Variants in RNF111 observed in about 807,000 individuals in gnomAD.
RNF111 encodes the protein ring finger protein 111.
In RNF111, 17 loss-of-function variants were observed where a neutral mutation model predicts 95.1. The ratio of observed to expected loss-of-function variants is 0.18; its 90% CI spans 0.12 to 0.27. RNF111 has a LOEUF of 0.27. Ranked by LOEUF, RNF111 falls within the 10% of genes least tolerant of loss-of-function variation. RNF111 has a pLI of 1.00. For synonymous variants in RNF111, 440 were observed against 414.8 expected (o/e 1.06, Z -0.74); for missense variants, 1,189 against 1,210.4 (o/e 0.98, Z 0.26).
rs1284910384 is a variant in RNF111 at position 59,030,913 on chromosome 15, G to A, written c.91G>A (p.Glu31Lys). 6.2e-7 allele frequency: 1 copy of A among 1,614,072 alleles called. No individual in the cohort carries two copies. The highest frequency in any genetic ancestry group is 1.3e-5 in the African/African-American group (1 of 74,940). Reference sequence around the variant, plus strand: ...TCCTTCTGATGCACCAAAGACACAGGAGAGTCTGAAAGGGATCCTTTTGCA... The same window carrying A: ...TCCTTCTGATGCACCAAAGACACAGAAGAGTCTGAAAGGGATCCTTTTGCA... ...EIPSDAPKTQ[E>K]SLKGILLHPE... is the part of the protein sequence containing the mutation. Residue 31 changes from glutamate to lysine, a missense_variant, in exon 2 of 14, where the codon GAG becomes AAG. Transcript: ENST00000348370.
intron 4 of RNF111, 111 bp downstream of exon 4, chr15:59,055,956 G>T (rs2042184589): frequency 2.5e-6 from 2 of 788,922 alleles, no homozygotes; most frequent in African/African-American, 1.8e-5. Context: ...TTAAACTACA[G>T]GGAAATTGTC....
chr15:59,040,292 A>G (rs2041386157), intron 2 of RNF111, among the ~76,000 whole-genome samples: 1 of 151,864 alleles, frequency 6.6e-6, no homozygotes, highest in South Asian at 2.1e-4. Context: ...TTTTTAAATT[A>G]TATTTTAATT....
Position 59,096,856 on chromosome 15 carries a change from G to A in RNF111, c.*1956G>A, listed in dbSNP as rs1253670993. ...GGACTGAAGAAGTGTAAGATGGGGA[G>A]AACTGTATGTCATGGAGTCCTCTTG... On this transcript the variant is annotated 3_prime_UTR_variant, in exon 14 of 14. Transcript: ENST00000348370. 6.6e-6 allele frequency: 1 copy of A among 152,184 alleles called. No individual in the cohort carries two copies. The highest frequency in any genetic ancestry group is 1.5e-5 in the Non-Finnish European group (1 of 68,044). 9.4% of individuals were successfully genotyped at this position (152,184 alleles called of 1,614,324 possible). A position where few individuals can be genotyped will look rare whatever the true frequency, so the allele number is the denominator to read the frequency against.
Position 59,066,764 on chromosome 15 carries a change from A to G in RNF111, c.1367A>G (p.Asp456Gly). The change falls in exon 6 of 14, where the codon GAT (aspartate) becomes GGT (glycine). Residue 456 changes from aspartate to glycine, a missense_variant and splice_region_variant. By Grantham distance (94) the Asp-to-Gly change is moderately conservative. Transcript: ENST00000348370. Reference protein sequence around the residue: ...SNSTTGTSIGDDSRRTTSSAV... With the variant: ...SNSTTGTSIGGDSRRTTSSAV... ...TCTGTGCATTTTTTTCTGTTTCAAGATGACTCAAGGAGAACTACATCTAGT... is the reference window on the plus strand; with the variant it reads ...TCTGTGCATTTTTTTCTGTTTCAAGGTGACTCAAGGAGAACTACATCTAGT... 2 of 1,608,816 alleles carry G rather than the reference A, an allele frequency of 1.2e-6. No homozygotes were observed. Among genetic ancestry groups the G allele is most frequent in the Middle Eastern group, 1.7e-4 (1 of 6,042 alleles).
chr15:59,054,399 A>G (rs1232531443), intron 3 of RNF111, among the ~76,000 whole-genome samples: 1 of 152,146 alleles, frequency 6.6e-6, no homozygotes, highest in Non-Finnish European at 1.5e-5. Flanking sequence ...ATGCTTTCAC[A>G]AAAGTACTGC....
chr15:59,043,314 C>T (rs746627377), intron 2 of RNF111, among the ~76,000 whole-genome samples: 1 of 152,102 alleles, frequency 6.6e-6, no homozygotes, highest in Non-Finnish European at 1.5e-5. Flanking sequence ...ACCACCTCAG[C>T]CAGCTGATTT....
chr15:59,053,673 G>A (rs748735364), intron 3 of RNF111, among the ~76,000 whole-genome samples: 1 of 152,008 alleles, frequency 6.6e-6, no homozygotes, highest in African/African-American at 2.4e-5. Flanking sequence ...TCCTCTGACC[G>A]TGCATAGTGC....
chr15:59,073,496 T>A (rs928628989), intron 6 of RNF111, among the ~76,000 whole-genome samples: 14 of 147,638 alleles, frequency 9.5e-5, no homozygotes, highest in East Asian at 2.0e-4. Flanking sequence ...AAAAAAAAAA[T>A]AAATAAACTA....
chr15:59,051,077 CTAATT>C (rs2041957002), intron 2 of RNF111, among the ~76,000 whole-genome samples: 1 of 152,166 alleles, frequency 6.6e-6, no homozygotes, highest in South Asian at 2.1e-4. Flanking sequence ...TGGACCAACT[CTAATT>C]TAATACTTAT....
intron 8 of RNF111, 195 bp from the exon 9 acceptor site, chr15:59,083,934 T>G: frequency 3.0e-6 from 1 of 333,482 alleles, no homozygotes. Flanking sequence ...AATTAGAATT[T>G]ATGGAGAAGG....
chr15:59,016,555 T>C (rs2040076752), intron 1 of RNF111, among the ~76,000 whole-genome samples: 2 of 152,214 alleles, frequency 1.3e-5, no homozygotes, highest in Non-Finnish European at 2.9e-5. Context: ...ATTTGAATAA[T>C]TGAGCATATA....
chr15:59,079,831 T>C (rs60741546), intron 7 of RNF111, among the ~76,000 whole-genome samples: 39,134 of 151,700 alleles, frequency 0.26, 5,144 homozygotes, highest in Middle Eastern at 0.42. Flanking sequence ...AACAAATAGG[T>C]CTCCTTCACC....
intron 8 of RNF111, among the ~76,000 whole-genome samples, chr15:59,083,464 G>A (rs1260022365): frequency 6.6e-6 from 1 of 151,910 alleles, no homozygotes; most frequent in Non-Finnish European, 1.5e-5. Context: ...CTTGAATCTG[G>A]GAGGCAGAGG....
At chr15:59,004,124 A>T (rs1239763354) in intron 1 of RNF111, 2 of 1,204,454 alleles carry the variant, frequency 1.7e-6, no homozygotes, top group African/African-American at 3.2e-5. Flanking sequence ...TTCCAGTGTG[A>T]ATGCATGTTT....
chr15:59,089,228 G>C (rs745883130), intron 10 of RNF111, among the ~76,000 whole-genome samples: 2 of 152,058 alleles, frequency 1.3e-5, no homozygotes, highest in African/African-American at 2.4e-5. Flanking sequence ...CAAAAAATTA[G>C]AAAACAGTGT....
intron 1 of RNF111, among the ~76,000 whole-genome samples, chr15:58,991,776 A>T (rs2038828237): frequency 6.6e-6 from 1 of 152,232 alleles, no homozygotes; most frequent in East Asian, 1.9e-4. Context: ...CTGTCAGATG[A>T]TGTAGACAGA....
rs191793594 is a variant in RNF111, at chr15:59,079,334, G to C, written c.1949-1602G>C. Among the ~76,000 whole-genome samples, 944 of 152,332 alleles carry C rather than the reference G, an allele frequency of 6.2e-3. 4 individuals carry two copies. Among genetic ancestry groups the C allele is most frequent in the Non-Finnish European group, 0.011 (750 of 68,030 alleles). On this transcript the variant is annotated intron_variant, in intron 7 of 13. Coordinates refer to ENST00000348370, the MANE Select transcript of RNF111 (RefSeq NM_017610.8). Reference sequence around the variant, plus strand: ...GTGGATTCATTTTTTATGATTAAGAGCTAGCTACTGAGCTTTGTGCCTTCT... The same window carrying C: ...GTGGATTCATTTTTTATGATTAAGACCTAGCTACTGAGCTTTGTGCCTTCT...
chr15:59,087,363 C>T (rs1476603794), intron 10 of RNF111, among the ~76,000 whole-genome samples: 1 of 152,156 alleles, frequency 6.6e-6, no homozygotes, highest in Non-Finnish European at 1.5e-5. Flanking sequence ...TCAGAAAATA[C>T]AGTTACCACT....
chr15:59,086,834 A>T (rs1258569213), intron 10 of RNF111, among the ~76,000 whole-genome samples: 1 of 152,212 alleles, frequency 6.6e-6, no homozygotes, highest in Non-Finnish European at 1.5e-5. Flanking sequence ...TTGAAGGGGA[A>T]ATGTCCTGAT....
Sources: allele counts gnomAD v4.1 joint callset (sites outside exome capture counted in the v4.1 genomes callset), GRCh38; gene constraint gnomAD v4.1.1; transcripts MANE v1.5; gene names NCBI Gene and HGNC (gene_info 2026-07-23, HGNC 2026-07-21).